The following ABL2 variants were observed in gnomAD, a reference collection of about 807,000 sequenced individuals.
ABL2 encodes the protein ABL proto-oncogene 2, non-receptor tyrosine kinase, also known as tyrosine-protein kinase ABL2.
Under a neutral mutation model 107.7 loss-of-function variants are expected in ABL2, and 49 were observed. That is an observed-to-expected ratio of 0.45 (90% confidence interval 0.36 to 0.58). ABL2 has a LOEUF of 0.58. Ranked by LOEUF, ABL2 falls within the 20% of genes least tolerant of loss-of-function variation. The pLI, the probability that ABL2 is intolerant of heterozygous loss-of-function variation, is 0.00. For missense variants in ABL2, 1,245 were observed against 1,457.0 expected, an observed-to-expected ratio of 0.85 and a Z score of 2.37; for synonymous variants, 549 against 548.6, an observed-to-expected ratio of 1.00 and a Z score of -0.01.
chr1:179,222,365 G>A (rs755264315), intron 1 of ABL2, among the ~76,000 whole-genome samples: 1 of 152,032 alleles, frequency 6.6e-6, no homozygotes, highest in Non-Finnish European at 1.5e-5. Context: ...GAGTAGCTGG[G>A]ATTACAGGTG....
At position 179,107,547 on chromosome 1, in the gene ABL2, T is replaced by C; in HGVS notation, c.*171A>G. On this transcript the variant is annotated 3_prime_UTR_variant, in exon 12 of 12. Coordinates refer to ENST00000502732, the MANE Select transcript of ABL2 (RefSeq NM_007314.4). ...CTCTCCTATACTTATGTGGTTTGCT[T>C]CTTATTTTTGAGATGAAACTGTAAA... The C allele has an allele frequency of 4.4e-6, 6 of 1,351,266 alleles. No homozygotes were observed. In the South Asian group the frequency reaches 7.8e-5, roughly 18 times the overall value. 83.7% of individuals were successfully genotyped at this position (1,351,266 alleles called of 1,614,324 possible).
chr1:179,107,557 G>A lies in ABL2; in HGVS notation c.*161C>T. 1 of 1,381,408 alleles carries A rather than the reference G, an allele frequency of 7.2e-7. No individual in the cohort carries two copies. The highest frequency in any genetic ancestry group is 2.9e-5 in the Admixed American group (1 of 34,664). 85.6% of individuals were successfully genotyped at this position (1,381,408 alleles called of 1,614,324 possible). On this transcript the variant is annotated 3_prime_UTR_variant, in exon 12 of 12. Coordinates refer to ENST00000502732, the MANE Select transcript of ABL2 (RefSeq NM_007314.4). ...CTTATGTGGTTTGCTTCTTATTTTT[G>A]AGATGAAACTGTAAACGTGAGAACT...
intron 1 of ABL2, among the ~76,000 whole-genome samples, chr1:179,148,654 C>T (rs533120214): frequency 4.1e-4 from 63 of 152,160 alleles, no homozygotes; most frequent in Non-Finnish European, 7.9e-4. Flanking sequence ...GTAATCTCAG[C>T]ACTTTGTGAG....
chr1:179,194,130 C>T (rs916525337), intron 1 of ABL2, among the ~76,000 whole-genome samples: 1 of 152,136 alleles, frequency 6.6e-6, no homozygotes, highest in Non-Finnish European at 1.5e-5. Flanking sequence ...ATGGTCAAAA[C>T]AGAGTTAACA....
chr1:179,207,278 T>C (rs146820142), intron 1 of ABL2, among the ~76,000 whole-genome samples: 87 of 152,240 alleles, frequency 5.7e-4, no homozygotes, highest in African/African-American at 1.8e-3. Context: ...AAAGAAAGAT[T>C]GTGATTTACC....
At position 179,130,787 on chromosome 1, in the gene ABL2, CA is replaced by C. The variant is rs957225085; in HGVS notation, c.391+523del. ...GTGTACGCACACACGCATGCAAAGGCAAAAAAAAGTAACTTTTATGAGAAAG... is the reference window on the plus strand; with the variant it reads ...GTGTACGCACACACGCATGCAAAGGCAAAAAAAGTAACTTTTATGAGAAAG... On this transcript the variant is annotated intron_variant, in intron 3 of 11. Coordinates refer to ENST00000502732, the MANE Select transcript of ABL2 (RefSeq NM_007314.4). Among the ~76,000 whole-genome samples, 8 of 146,926 alleles carry C rather than the reference CA, an allele frequency of 5.4e-5. No individual in the cohort carries two copies. The East Asian group carries it at 1.2e-3, about 22-fold the overall frequency.
At position 179,108,884 on chromosome 1, in the gene ABL2, C is replaced by T. The variant is rs771659363; in HGVS notation, c.2383G>A (p.Asp795Asn). The T allele has an allele frequency of 5.6e-6, 9 of 1,614,196 alleles. No homozygotes were observed. In the East Asian group the frequency reaches 2.0e-4, roughly 36 times the overall value. ...CTGGGAAGGGTCATTGCCATCCTAT[C>T]CTGCTCTGGAAGCCCTGAGGACATG... ...SSMSSGLPEQ[D>N]RMAMTLPRNC... Residue 795 changes from aspartate to asparagine, a missense_variant, in exon 12 of 12, where the codon GAT (aspartate) becomes AAT (asparagine). Around this residue, in one of 3 missense-constraint regions of ABL2, gnomAD observed 761 missense variants for 766.4 expected, o/e 0.99. Transcript: ENST00000502732.
At chr1:179,225,748 A>T (rs565521059) in intron 1 of ABL2, among the ~76,000 whole-genome samples, 5 of 152,220 alleles carry the variant, frequency 3.3e-5, no homozygotes, top group Admixed American at 3.3e-4. Flanking sequence ...CGAGGTTAAG[A>T]AACTATGACG....
Position 179,107,472 on chromosome 1 carries a change from A to T in ABL2, c.*246T>A. On this transcript the variant is annotated 3_prime_UTR_variant, in exon 12 of 12. Coordinates refer to ENST00000502732, the MANE Select transcript of ABL2 (RefSeq NM_007314.4). ...GACATACACATGTTCCCTATTTTCC[A>T]GTGCAGTTTCCAACCCTGTCCACTA... The T allele has an allele frequency of 1.7e-6, 1 of 571,838 alleles. No homozygotes were observed. The highest frequency in any genetic ancestry group is 2.8e-6 in the Non-Finnish European group (1 of 356,554). 35.4% of individuals were successfully genotyped at this position (571,838 alleles called of 1,614,324 possible). A position where few individuals can be genotyped will look rare whatever the true frequency, so the allele number is the denominator to read the frequency against.
rs751475411 is a variant in ABL2 at position 179,110,294 on chromosome 1, T to C, written c.1813A>G (p.Ser605Gly). 2 of 1,614,194 alleles carry C rather than the reference T, an allele frequency of 1.2e-6. No homozygotes were observed. The highest frequency in any genetic ancestry group is 8.5e-7 in the Non-Finnish European group (1 of 1,180,020). Residue 605 changes from serine (S) to glycine (G), a missense_variant, in exon 11 of 12, where the codon AGT becomes GGT. Coordinates refer to ENST00000502732, the MANE Select transcript of ABL2 (RefSeq NM_007314.4). The stretch of plus-strand genomic sequence containing the variant: ...AAGGGACCCATACCTGGTGCTAAAC[T>C]GGAAGCAGAATTTTCTGTGGCATCT... ...AQDATENSAS[S>G]LAPGFIRGAQ... is the part of the protein sequence containing the mutation.
At position 179,121,161 on chromosome 1, in the gene ABL2, T is replaced by C. The variant is rs557539714; in HGVS notation, c.960+434A>G. Among the ~76,000 whole-genome samples the C allele has an allele frequency of 5.9e-5, 9 of 152,264 alleles. No individual in the cohort carries two copies. The South Asian group carries it at 1.7e-3, about 28-fold the overall frequency. ...ACATATAGTAGTACTACGAAAAAGA[T>C]TTCTGTTAATATTAAGAAGTGATCT... is the stretch of plus-strand genomic sequence containing the variant. On this transcript the variant is annotated intron_variant, in intron 5 of 11. Coordinates refer to ENST00000502732, the MANE Select transcript of ABL2 (RefSeq NM_007314.4).
rs774798409 is a variant in ABL2, at chr1:179,109,440, C to T, written c.1827G>A (p.Gly609=). ...TENSASSLAP[G]FIRGAQASSG... ...TAGAGGCCTGTGCACCTCTGATGAA[C>T]CCTGATGAGAAATGGCCGATCAGTA... is the stretch of plus-strand genomic sequence containing the variant. The change falls in exon 12 of 12, where the codon GGG becomes GGA. Residue 609 remains glycine (G), a splice_region_variant and synonymous_variant. Transcript: ENST00000502732. 21 of 1,602,406 alleles carry T rather than the reference C, an allele frequency of 1.3e-5. No homozygotes were observed. In the East Asian group the frequency reaches 4.7e-4, roughly 36 times the overall value.
rs868541418 is a variant in ABL2, at chr1:179,107,427, G to A, written c.*291C>T. ...CTTCCCAGCATTCCAGGTAGGGATGGGCTGCATTGCCTTCCTTATGACATA... is the reference window on the plus strand; with the variant it reads ...CTTCCCAGCATTCCAGGTAGGGATGAGCTGCATTGCCTTCCTTATGACATA... On this transcript the variant is annotated 3_prime_UTR_variant, in exon 12 of 12. Coordinates refer to ENST00000502732, the MANE Select transcript of ABL2 (RefSeq NM_007314.4). The A allele has an allele frequency of 5.1e-6, 2 of 391,218 alleles. No individual in the cohort carries two copies. The highest frequency in any genetic ancestry group is 1.4e-3 in the Middle Eastern group (2 of 1,386). 24.2% of individuals were successfully genotyped at this position (391,218 alleles called of 1,614,324 possible).
chr1:179,162,297 C>T (rs749399000), intron 1 of ABL2, among the ~76,000 whole-genome samples: 1 of 152,136 alleles, frequency 6.6e-6, no homozygotes, highest in African/African-American at 2.4e-5. Context: ...TAGAAACCAT[C>T]CAAAAGATAG....
rs34173352 is a variant in ABL2 at position 179,166,776 on chromosome 1, CAAAAAAAAA to C, written c.158-33411_158-33403del. On this transcript the variant is annotated intron_variant, in intron 1 of 11. Transcript: ENST00000502732. ...TTGGTGACAGAACAAGACTTCATCT[CAAAAAAAAA>C]AAAAAAAAAGAAAAAATGTTCTGTA... Among the ~76,000 whole-genome samples the C allele has an allele frequency of 1.5e-4, 11 of 75,380 alleles. No individual in the cohort carries two copies. In the South Asian group the frequency reaches 4.1e-3, roughly 28 times the overall value. The allele number at this position is 75,380 out of a possible 152,430, so 49.5% of individuals were successfully genotyped here. A position where few individuals can be genotyped will look rare whatever the true frequency, so the allele number is the denominator to read the frequency against.
At chr1:179,163,883 A>ACACAAG (rs1659226831) in intron 1 of ABL2, among the ~76,000 whole-genome samples, 2 of 152,260 alleles carry the variant, frequency 1.3e-5, no homozygotes, top group Admixed American at 1.3e-4. Flanking sequence ...GGAATGAAGT[A>ACACAAG]TTGATAGACA....
intron 1 of ABL2, among the ~76,000 whole-genome samples, chr1:179,216,809 G>A (rs1408895803): frequency 6.6e-6 from 1 of 150,886 alleles, no homozygotes; most frequent in Non-Finnish European, 1.5e-5. Context: ...TCAGCCTCCC[G>A]AGTAGCTGCA....
chr1:179,154,796 T>C (rs1294711850), intron 1 of ABL2, among the ~76,000 whole-genome samples: 1 of 152,212 alleles, frequency 6.6e-6, no homozygotes, highest in African/African-American at 2.4e-5. Context: ...TGCCTTCTTA[T>C]TGAAGGTATA....
At chr1:179,177,734 C>CTATTTA (rs1660131217) in intron 1 of ABL2, among the ~76,000 whole-genome samples, 2 of 152,062 alleles carry the variant, frequency 1.3e-5, no homozygotes, top group Non-Finnish European at 2.9e-5. Context: ...CAAAGTTAGA[C>CTATTTA]TATGTATTAA....
Sources: allele counts gnomAD v4.1 joint callset (sites outside exome capture counted in the v4.1 genomes callset), GRCh38; gene constraint gnomAD v4.1.1; regional missense constraint gnomAD v4.1.1; transcripts MANE v1.5; gene names NCBI Gene and HGNC (gene_info 2026-07-23, HGNC 2026-07-21).